The following PLCB4 variants were observed in gnomAD, a reference collection of about 807,000 sequenced individuals.
The protein encoded by PLCB4 is phospholipase C beta 4.
A neutral mutation model predicts 178.8 loss-of-function variants in PLCB4; 77 were observed. The observed-to-expected ratio is 0.43, with a 90% CI of 0.36 to 0.52. The LOEUF (loss-of-function observed/expected upper bound fraction) is 0.52, where lower values mean the gene tolerates loss of function less well. Ranked by LOEUF, PLCB4 falls within the 20% of genes least tolerant of loss-of-function variation. The pLI is 0.00. For synonymous variants in PLCB4, 496 were observed against 490.8 expected, an observed-to-expected ratio of 1.01 and a Z score of -0.14; for missense variants, 1,024 against 1,453.4, an observed-to-expected ratio of 0.70 and a Z score of 4.80.
intron 2 of PLCB4, among the ~76,000 whole-genome samples, chr20:9,141,786 G>A (rs1300664523): frequency 1.3e-5 from 2 of 152,104 alleles, no homozygotes; most frequent in African/African-American, 4.8e-5. Context: ...GGATGGAGTA[G>A]TCAGGAGTGT....
intron 2 of PLCB4, among the ~76,000 whole-genome samples, chr20:9,204,371 G>C (rs1254089140): frequency 1.3e-5 from 2 of 151,614 alleles, no homozygotes; most frequent in East Asian, 3.9e-4. Context: ...TTTTTTTGCG[G>C]GGGTGGGGAT....
At chr20:9,324,341 G>C (rs1323024225) in intron 4 of PLCB4, among the ~76,000 whole-genome samples, 1 of 151,980 alleles carries the variant, frequency 6.6e-6, no homozygotes, top group Non-Finnish European at 1.5e-5. Flanking sequence ...GAGGAGAATC[G>C]CTTGAACTCG....
intron 30 of PLCB4, among the ~76,000 whole-genome samples, chr20:9,441,666 G>T (rs570473259): frequency 4.6e-5 from 7 of 152,274 alleles, no homozygotes; most frequent in Admixed American, 4.6e-4. Context: ...GGATGAGGGA[G>T]CTGGGGAATG....
intron 4 of PLCB4, among the ~76,000 whole-genome samples, chr20:9,333,764 G>A (rs565978289): frequency 3.9e-5 from 6 of 152,196 alleles, no homozygotes; most frequent in Non-Finnish European, 8.8e-5. Flanking sequence ...TAAAGTGGGT[G>A]TGTATTCGAA....
chr20:9,398,088 C>T (rs141570850), intron 19 of PLCB4, among the ~76,000 whole-genome samples: 3 of 152,258 alleles, frequency 2.0e-5, no homozygotes, highest in East Asian at 1.9e-4. Context: ...TCTCATAGCA[C>T]GATGGCTAAG....
chr20:9,118,343 A>G (rs2091852355), intron 2 of PLCB4, among the ~76,000 whole-genome samples: 1 of 151,270 alleles, frequency 6.6e-6, no homozygotes, highest in Non-Finnish European at 1.5e-5. Flanking sequence ...ATATGAGAAC[A>G]GAGCAACGGT....
intron 3 of PLCB4, among the ~76,000 whole-genome samples, chr20:9,301,788 T>C (rs1052185762): frequency 6.6e-6 from 1 of 152,098 alleles, no homozygotes; most frequent in Non-Finnish European, 1.5e-5. Flanking sequence ...CCCTTCTTTC[T>C]TGTCCCCCGC....
At chr20:9,340,587 C>T (rs955714827) in intron 7 of PLCB4, among the ~76,000 whole-genome samples, 9 of 152,206 alleles carry the variant, frequency 5.9e-5, no homozygotes, top group Admixed American at 5.2e-4. Flanking sequence ...GCAGTGCCTT[C>T]AAGTTCTTTT....
At chr20:9,370,736 C>T (rs1216904255) in intron 9 of PLCB4, among the ~76,000 whole-genome samples, 4 of 151,920 alleles carry the variant, frequency 2.6e-5, no homozygotes, top group African/African-American at 4.8e-5. Context: ...GATGAAACCC[C>T]GTCTCTACTA....
At chr20:9,253,457 A>AC (rs375321040) in intron 3 of PLCB4, among the ~76,000 whole-genome samples, 252 of 152,152 alleles carry the variant, frequency 1.7e-3, no homozygotes, top group African/African-American at 5.6e-3. Flanking sequence ...GCCATCAGTG[A>AC]CTGCCAGTTT....
At chr20:9,275,724 C>T (rs2094444981) in intron 3 of PLCB4, among the ~76,000 whole-genome samples, 1 of 152,052 alleles carries the variant, frequency 6.6e-6, no homozygotes. Context: ...GCATTGAGAT[C>T]ACCAGGGAGC....
Position 9,296,571 on chromosome 20 carries a change from T to A in PLCB4, c.-15-11229T>A, listed in dbSNP as rs551363376. Among the ~76,000 whole-genome samples the A allele has an allele frequency of 8.1e-3, 1,232 of 151,682 alleles. 19 individuals are homozygous for A. The highest frequency in any genetic ancestry group is 0.029 in the African/African-American group (1,182 of 41,214). On this transcript the variant is annotated intron_variant, in intron 3 of 39. Coordinates refer to ENST00000378473, the MANE Select transcript of PLCB4 (RefSeq NM_001377142.1). ...GACACATGCACACGTATGTTTATTG[T>A]GGCACTATTCACAATAGCAAAGACT...
intron 2 of PLCB4, among the ~76,000 whole-genome samples, chr20:9,161,549 G>A (rs1032000270): frequency 2.0e-5 from 3 of 152,214 alleles, no homozygotes; most frequent in Non-Finnish European, 4.4e-5. Context: ...CCAGTGTTTG[G>A]TTAATCATAG....
intron 39 of PLCB4, 26 bp from the exon 40 acceptor site, chr20:9,478,895 G>T: frequency 3.2e-6 from 5 of 1,582,218 alleles, no homozygotes; most frequent in South Asian, 1.1e-5. Flanking sequence ...TTCAACACAC[G>T]TAAGGCCATG....
chr20:9,457,520 C>G (rs2043131416), intron 34 of PLCB4, 31 bp downstream of exon 34: 1 of 1,011,732 alleles, frequency 9.9e-7, no homozygotes, highest in African/African-American at 1.6e-5. Context: ...ACAGCAGTGA[C>G]TTGCAGAAGA....
intron 1 of PLCB4, among the ~76,000 whole-genome samples, chr20:9,076,123 GA>G (rs1374307411): frequency 1.2e-4 from 19 of 152,142 alleles, no homozygotes; most frequent in Admixed American, 3.3e-4. Context: ...ACACAAAGTT[GA>G]GGGGGGAAGG....
At chr20:9,264,923 A>G (rs1000618416) in intron 3 of PLCB4, among the ~76,000 whole-genome samples, 4 of 152,084 alleles carry the variant, frequency 2.6e-5, no homozygotes, top group Non-Finnish European at 5.9e-5. Flanking sequence ...ACAGGTGTGG[A>G]TGTGGGCAGA....
intron 32 of PLCB4, among the ~76,000 whole-genome samples, chr20:9,448,488 C>T (rs2042551173): frequency 6.6e-6 from 1 of 152,134 alleles, no homozygotes; most frequent in Non-Finnish European, 1.5e-5. Flanking sequence ...GATCTCAGCT[C>T]TTACATATCA....
intron 3 of PLCB4, among the ~76,000 whole-genome samples, chr20:9,258,120 G>A (rs946125269): frequency 1.1e-4 from 16 of 152,042 alleles, no homozygotes; most frequent in African/African-American, 3.1e-4. Flanking sequence ...ATAAAGATGC[G>A]CACACACACA....
Sources: gnomAD v4.1 joint callset for allele counts (sites outside exome capture counted in the v4.1 genomes callset) on GRCh38, gnomAD v4.1.1 for gene constraint, MANE v1.5 for transcripts, NCBI Gene and HGNC (gene_info 2026-07-23, HGNC 2026-07-21) for gene names.